The following ASXL1 variants were observed in gnomAD, a reference collection of about 807,000 sequenced individuals.
The protein encoded by ASXL1 is ASXL transcriptional regulator 1.
A neutral mutation model predicts 89.1 loss-of-function variants in ASXL1; 65 were observed. That is an observed-to-expected ratio of 0.73 (90% CI 0.60 to 0.90). The LOEUF (loss-of-function observed/expected upper bound fraction) is 0.90. Among genes scored for constraint, ASXL1 ranks in the 40% least tolerant of loss-of-function variants. The pLI, the probability that ASXL1 is intolerant of heterozygous loss-of-function variation, is 0.00. For synonymous variants in ASXL1, 739 were observed against 746.9 expected (o/e 0.99, Z 0.17); for missense variants, 1,786 against 1,942.9 (o/e 0.92, Z 1.52).
At position 32,435,671 on chromosome 20, in the gene ASXL1, G is replaced by A. The variant is rs376074119; in HGVS notation, c.2959G>A (p.Gly987Arg). The A allele has an allele frequency of 1.8e-5, 29 of 1,614,144 alleles. No homozygotes were observed. The highest frequency in any genetic ancestry group is 1.1e-4 in the South Asian group (10 of 91,082). The change falls in exon 13 of 13, where the codon GGA becomes AGA. Residue 987 changes from glycine to arginine, a missense_variant. By Grantham distance (125) the Gly-to-Arg change is moderately radical. Transcript: ENST00000375687. ...QVDIEKLKINGDSEALSPHGE... is the reference protein window; with the variant it reads ...QVDIEKLKINRDSEALSPHGE... ...GGACATTGAAAAGCTGAAAATCAACGGAGACTCTGAAGCACTGAGTCCTCA... is the reference window on the plus strand; with the variant it reads ...GGACATTGAAAAGCTGAAAATCAACAGAGACTCTGAAGCACTGAGTCCTCA...
rs748455832 is a variant in ASXL1 at position 32,369,078 on chromosome 20, G to T, written c.207G>T (p.Gly69=). ...MLHSNSRGGE[G]LFYKLPGRIS... ...ATTCCAATTCAAGAGGAGGAGAGGG[G>T]TTGTTTTATAAACTGCCTGGCCGAA... Residue 69 remains glycine (G), a synonymous_variant, in exon 4 of 13, where the codon GGG becomes GGT. Transcript: ENST00000375687. The T allele has an allele frequency of 8.7e-6, 14 of 1,613,908 alleles. No individual in the cohort carries two copies. The Middle Eastern group carries it at 1.3e-3, about 152-fold the overall frequency.
intron 4 of ASXL1, among the ~76,000 whole-genome samples, chr20:32,398,225 T>A (rs2048803326): frequency 6.6e-6 from 1 of 152,162 alleles, no homozygotes; most frequent in Admixed American, 6.5e-5. Context: ...TTTTTTAATT[T>A]TATATATATT....
intron 1 of ASXL1, among the ~76,000 whole-genome samples, chr20:32,362,263 A>G (rs2048126625): frequency 6.6e-6 from 1 of 152,174 alleles, no homozygotes; most frequent in Non-Finnish European, 1.5e-5. Flanking sequence ...AATTGTATGC[A>G]CTTCCATGGG....
chr20:32,433,787 C>CGGCCTCT lies in ASXL1; in HGVS notation c.1591_1597dup (p.Ala533GlyfsTer13). 6.2e-7 allele frequency: 1 copy of CGGCCTCT among 1,614,168 alleles called. No individual in the cohort carries two copies. Among genetic ancestry groups the CGGCCTCT allele is most frequent in the Non-Finnish European group, 8.5e-7 (1 of 1,180,038 alleles). On this transcript the variant is annotated frameshift_variant, in exon 12 of 13. Transcript: ENST00000375687. LOFTEE classifies it high-confidence loss of function. Reference sequence around the variant, plus strand: ...CAGAAGAGGAAATCCTTTGAGCAGGCGGCCTCTGCATCCTTTCCCGAAAAG... The same window carrying CGGCCTCT: ...CAGAAGAGGAAATCCTTTGAGCAGGCGGCCTCTGGCCTCTGCATCCTTTCCCGAAAAG...
chr20:32,396,119 AT>A (rs1169262578), intron 4 of ASXL1, among the ~76,000 whole-genome samples: 1 of 152,140 alleles, frequency 6.6e-6, no homozygotes, highest in Admixed American at 6.5e-5. Flanking sequence ...AAAACATCTT[AT>A]ATTTCTCTGC....
intron 4 of ASXL1, among the ~76,000 whole-genome samples, chr20:32,415,635 T>G (rs1020847800): frequency 1.8e-4 from 28 of 152,196 alleles, no homozygotes; most frequent in African/African-American, 6.5e-4. Flanking sequence ...AGCACTGGCT[T>G]GCTTTTTGTG....
chr20:32,362,896 T>C (rs2048144436), intron 1 of ASXL1, among the ~76,000 whole-genome samples: 1 of 152,232 alleles, frequency 6.6e-6, no homozygotes, highest in Non-Finnish European at 1.5e-5. Flanking sequence ...GCCAAGGGGA[T>C]TTCCCTTTAA....
chr20:32,401,469 T>C (rs1222186659), intron 4 of ASXL1, among the ~76,000 whole-genome samples: 2 of 152,044 alleles, frequency 1.3e-5, no homozygotes, highest in Non-Finnish European at 2.9e-5. Context: ...TGTGGTGATA[T>C]GTTCTAAGAC....
At chr20:32,431,519 G>A (rs562795976) in intron 9 of ASXL1, 35 bp downstream of exon 9, 17 of 1,614,050 alleles carry the variant, frequency 1.1e-5, no homozygotes, top group African/African-American at 5.3e-5. Flanking sequence ...GCCTCTCTCT[G>A]GGTGGGCTTC....
Position 32,436,575 on chromosome 20 carries a change from G to T in ASXL1, c.3863G>T (p.Gly1288Val). The T allele has an allele frequency of 6.2e-7, 1 of 1,614,208 alleles. No homozygotes were observed. Among genetic ancestry groups the T allele is most frequent in the African/African-American group, 1.3e-5 (1 of 75,052 alleles). ...NVISFGPEQT[G>V]RALGDQSNVT... ...ATCTCCTTTGGTCCAGAGCAGACAG[G>T]TCGGGCCCTGGGTGATCAGAGCAAT... The change falls in exon 13 of 13, where the codon GGT becomes GTT. Residue 1288 changes from glycine (G) to valine (V), a missense_variant. Around this residue, in one of 3 missense-constraint regions of ASXL1, gnomAD observed 1,418 missense variants for 1,427.8 expected, o/e 0.99. Transcript: ENST00000375687.
At chr20:32,392,619 A>T (rs566777578) in intron 4 of ASXL1, among the ~76,000 whole-genome samples, 105 of 150,544 alleles carry the variant, frequency 7.0e-4, no homozygotes, top group Middle Eastern at 3.4e-3. Flanking sequence ...CCAGCCCTGA[A>T]ATCTTTCCTC....
intron 4 of ASXL1, among the ~76,000 whole-genome samples, chr20:32,406,817 G>T (rs572956226): frequency 6.6e-6 from 1 of 152,102 alleles, no homozygotes; most frequent in African/African-American, 2.4e-5. Flanking sequence ...CACTCATCTT[G>T]ATCTCCAACT....
At chr20:32,375,188 C>G (rs143785498) in intron 4 of ASXL1, among the ~76,000 whole-genome samples, 1 of 152,026 alleles carries the variant, frequency 6.6e-6, no homozygotes, top group Admixed American at 6.6e-5. Context: ...AGACATAGCC[C>G]GGCGCAGTGG....
chr20:32,381,659 C>T (rs1019881907), intron 4 of ASXL1, among the ~76,000 whole-genome samples: 3 of 151,692 alleles, frequency 2.0e-5, no homozygotes, highest in Non-Finnish European at 4.4e-5. Flanking sequence ...GGACTACAGG[C>T]GCCTGCTACC....
rs192334686 is a variant in ASXL1 at position 32,400,628 on chromosome 20, G to T, written c.253-27500G>T. Among the ~76,000 whole-genome samples the T allele has an allele frequency of 9.2e-5, 14 of 152,208 alleles. 1 individual carries two copies. Among genetic ancestry groups the T allele is most frequent in the African/African-American group, 3.4e-4 (14 of 41,544 alleles). ...CTTGGGTAGTTTCATCACACTATGG[G>T]CCACTCAGTACTCAGTGAGTACCTC... On this transcript the variant is annotated intron_variant, in intron 4 of 12. Coordinates refer to ENST00000375687, the MANE Select transcript of ASXL1 (RefSeq NM_015338.6).
intron 1 of ASXL1, among the ~76,000 whole-genome samples, chr20:32,361,312 C>G (rs1369325566): frequency 1.3e-5 from 2 of 152,046 alleles, no homozygotes; most frequent in Admixed American, 6.6e-5. Flanking sequence ...CCACTGCACT[C>G]CAGCCTGGGT....
intron 8 of ASXL1, 60 bp downstream of exon 8, chr20:32,430,113 A>G (rs2123227052): frequency 6.4e-7 from 1 of 1,558,546 alleles, no homozygotes; most frequent in Non-Finnish European, 8.6e-7. Flanking sequence ...GCCTAGTGAG[A>G]AGATGATGTC....
intron 8 of ASXL1, 52 bp from the exon 9 acceptor site, chr20:32,431,269 T>C (rs1227586718): frequency 1.2e-6 from 2 of 1,613,000 alleles, no homozygotes; most frequent in Admixed American, 3.3e-5. Context: ...CAGTTGGCAT[T>C]TGTTTTTTCT....
At position 32,365,988 on chromosome 20, in the gene ASXL1, G is replaced by GTA. The variant is rs1411326625; in HGVS notation, c.58-385_58-384dup. On this transcript the variant is annotated intron_variant, in intron 1 of 12. Transcript: ENST00000375687. ...AAAATACAAAAATTAGTGTGTGTGTGTATATATATATACTAATCAAACTTC... is the reference window on the plus strand; with the variant it reads ...AAAATACAAAAATTAGTGTGTGTGTGTATATATATATATACTAATCAAACTTC... Among the ~76,000 whole-genome samples, 251 of 151,918 alleles carry GTA rather than the reference G, an allele frequency of 1.7e-3. 1 individual carries two copies. The highest frequency in any genetic ancestry group is 0.01 in the Middle Eastern group (3 of 294).
Sources: allele counts gnomAD v4.1 joint callset (sites outside exome capture counted in the v4.1 genomes callset), GRCh38; gene constraint gnomAD v4.1.1; regional missense constraint gnomAD v4.1.1; transcripts MANE v1.5; gene names NCBI Gene and HGNC (gene_info 2026-07-23, HGNC 2026-07-21).